The following SEMA3E variants were observed in gnomAD, a reference collection of about 807,000 sequenced individuals.
SEMA3E encodes semaphorin-3E.
SEMA3E carries 49 observed loss-of-function variants against 93.6 expected under a neutral mutation model. That is an observed-to-expected ratio of 0.52 (90% CI 0.42 to 0.66). The LOEUF (loss-of-function observed/expected upper bound fraction) is 0.66, where lower values mean the gene tolerates loss of function less well. Among genes scored for constraint, SEMA3E ranks in the 30% least tolerant of loss-of-function variants. The pLI is 0.00. For synonymous variants in SEMA3E, 363 were observed against 330.7 expected (o/e 1.10, Z -1.06); for missense variants, 906 against 964.8 (o/e 0.94, Z 0.81).
At chr7:83,392,417 C>T (rs1472151738) in intron 14 of SEMA3E, 138 bp downstream of exon 14, 2 of 948,184 alleles carry the variant, frequency 2.1e-6, no homozygotes, top group Non-Finnish European at 3.2e-6. Flanking sequence ...AAAAGGTCAA[C>T]AGCATGTTCA....
chr7:83,570,282 G>A (rs540950611), intron 1 of SEMA3E, among the ~76,000 whole-genome samples: 14 of 151,960 alleles, frequency 9.2e-5, no homozygotes, highest in African/African-American at 2.7e-4. Context: ...GGCCGGGCGC[G>A]GTGGCTCACG....
At chr7:83,432,482 A>G (rs1436426520) in intron 4 of SEMA3E, among the ~76,000 whole-genome samples, 1 of 152,218 alleles carries the variant, frequency 6.6e-6, no homozygotes, top group African/African-American at 2.4e-5. Context: ...GTGAAATGGT[A>G]TAACCTGTGG....
rs1265895096 is a variant in SEMA3E, at chr7:83,364,602, T to A, written c.*2984A>T. ...GAATCACGAAGTAAAATCTTTTTTG[T>A]TAACAAATCTGGATCTCTTGCCCAA... On this transcript the variant is annotated 3_prime_UTR_variant, in exon 17 of 17. Transcript: ENST00000643230. 6.6e-6 allele frequency: 1 copy of A among 152,194 alleles called. No homozygotes were observed. The highest frequency in any genetic ancestry group is 1.9e-4 in the East Asian group (1 of 5,198). The allele number at this position is 152,194 out of a possible 1,614,324, so 9.4% of individuals were successfully genotyped here. A position where few individuals can be genotyped will look rare whatever the true frequency, so the allele number is the denominator to read the frequency against.
At chr7:83,396,104 CAT>C (rs760095233) in intron 12 of SEMA3E, among the ~76,000 whole-genome samples, 15 of 151,384 alleles carry the variant, frequency 9.9e-5, no homozygotes, top group East Asian at 3.9e-4. Flanking sequence ...TATATGCACA[CAT>C]ATATATGTGT....
chr7:83,638,931 G>A (rs1479824376), intron 1 of SEMA3E, among the ~76,000 whole-genome samples: 1 of 150,986 alleles, frequency 6.6e-6, no homozygotes, highest in African/African-American at 2.4e-5. Context: ...CTAAAATGGT[G>A]AAACCCTGTC....
At chr7:83,538,754 C>G (rs1268722171) in intron 1 of SEMA3E, among the ~76,000 whole-genome samples, 1 of 152,000 alleles carries the variant, frequency 6.6e-6, no homozygotes, top group Non-Finnish European at 1.5e-5. Context: ...CAACTATATC[C>G]CAGAACTCTA....
intron 2 of SEMA3E, among the ~76,000 whole-genome samples, chr7:83,479,818 T>C (rs1232901305): frequency 3.3e-5 from 5 of 152,152 alleles, no homozygotes; most frequent in Non-Finnish European, 5.9e-5. Flanking sequence ...TGGTCTCTGC[T>C]CTCTTCAAAA....
intron 1 of SEMA3E, among the ~76,000 whole-genome samples, chr7:83,604,267 C>G (rs1384878586): frequency 1.3e-5 from 2 of 151,952 alleles, no homozygotes; most frequent in African/African-American, 4.8e-5. Context: ...AAACTTCTTT[C>G]TTCAGATGTT....
intron 2 of SEMA3E, among the ~76,000 whole-genome samples, chr7:83,487,834 T>C (rs1312025234): frequency 6.6e-6 from 1 of 151,660 alleles, no homozygotes; most frequent in Non-Finnish European, 1.5e-5. Context: ...AAAGATAGGG[T>C]GAAATGCAAT....
chr7:83,490,032 C>T (rs182265087), intron 2 of SEMA3E, 82 bp downstream of exon 2: 3 of 1,369,672 alleles, frequency 2.2e-6, no homozygotes, highest in South Asian at 2.4e-5. Flanking sequence ...GTGGTCAATA[C>T]AATTAAAAAA....
chr7:83,406,000 T>C lies in SEMA3E; in HGVS notation c.873A>G (p.Arg291=). Residue 291 remains arginine (R), a synonymous_variant, in exon 8 of 17, where the codon AGA becomes AGG. Coordinates refer to ENST00000643230, the MANE Select transcript of SEMA3E (RefSeq NM_012431.3). ...TCATTCCTGGTACTGAGCAAACGAG[T>C]CTCGCTTTTAGGAAAGTGCTCCACT... The part of the protein sequence containing the change: ...VNKWSTFLKA[R]LVCSVPGMNG... 1 of 1,613,410 alleles carries C rather than the reference T, an allele frequency of 6.2e-7. No individual in the cohort carries two copies. Among genetic ancestry groups the C allele is most frequent in the Non-Finnish European group, 8.5e-7 (1 of 1,179,544 alleles).
rs138103018 is a variant in SEMA3E at position 83,620,964 on chromosome 7, T to C, written c.115+27464A>G. The stretch of plus-strand genomic sequence containing the variant: ...CAAGAATGCCTTCTCTCACCACTCT[T>C]AGTCAACATAGCATTGGAAGTTCTG... On this transcript the variant is annotated intron_variant, in intron 1 of 16. Coordinates refer to ENST00000643230, the MANE Select transcript of SEMA3E (RefSeq NM_012431.3). 2.6e-5 allele frequency among the ~76,000 whole-genome samples: 4 copies of C among 152,194 alleles called. No homozygotes were observed. In the East Asian group the frequency reaches 7.7e-4, roughly 29 times the overall value.
At chr7:83,506,032 AATATAT>A (rs869131366) in intron 1 of SEMA3E, among the ~76,000 whole-genome samples, 11 of 119,732 alleles carry the variant, frequency 9.2e-5, no homozygotes, top group Non-Finnish European at 1.6e-4. Context: ...AAAAAAAAAA[AATATAT>A]ATATATATAT....
intron 16 of SEMA3E, chr7:83,372,050 TATA>T (rs1794755943): frequency 5.2e-6 from 2 of 381,760 alleles, no homozygotes; most frequent in Admixed American, 9.0e-5. Context: ...TGAATTATCC[TATA>T]ATGAGTAAAG....
intron 1 of SEMA3E, among the ~76,000 whole-genome samples, chr7:83,639,381 C>T (rs866461444): frequency 2.0e-5 from 3 of 151,818 alleles, no homozygotes; most frequent in African/African-American, 7.3e-5. Flanking sequence ...TAGCTCTGAA[C>T]CTTCTAAAAA....
At chr7:83,634,845 T>A (rs1162414398) in intron 1 of SEMA3E, among the ~76,000 whole-genome samples, 1 of 152,006 alleles carries the variant, frequency 6.6e-6, no homozygotes, top group East Asian at 1.9e-4. Context: ...TAAGAAAAAA[T>A]TATTTTCTTT....
intron 1 of SEMA3E, among the ~76,000 whole-genome samples, chr7:83,607,365 T>C (rs1026560523): frequency 1.3e-5 from 2 of 152,236 alleles, no homozygotes; most frequent in African/African-American, 4.8e-5. Context: ...TCACTGAGCA[T>C]GTTCTTTACT....
chr7:83,531,359 TTTTC>T (rs1374361263), intron 1 of SEMA3E, among the ~76,000 whole-genome samples: 1 of 143,470 alleles, frequency 7.0e-6, no homozygotes, highest in Non-Finnish European at 1.5e-5. Flanking sequence ...TTTTTTTTTT[TTTTC>T]CGAGATGGAG....
chr7:83,631,877 C>G (rs992013821), intron 1 of SEMA3E, among the ~76,000 whole-genome samples: 6 of 152,120 alleles, frequency 3.9e-5, no homozygotes, highest in African/African-American at 1.4e-4. Context: ...ACTGGTTGGC[C>G]GGGCACAGTG....
Sources: gnomAD v4.1 joint callset for allele counts (sites outside exome capture counted in the v4.1 genomes callset) on GRCh38, gnomAD v4.1.1 for gene constraint, MANE v1.5 for transcripts, NCBI Gene and HGNC (gene_info 2026-07-23, HGNC 2026-07-21) for gene names.